Variants in GAREM1 observed in about 807,000 individuals in gnomAD.
GAREM1 encodes GRB2-associated and regulator of MAPK protein 1.
A neutral mutation model predicts 71.3 loss-of-function variants in GAREM1; 26 were observed. The ratio of observed to expected loss-of-function variants is 0.36; its 90% CI spans 0.27 to 0.51. The LOEUF (loss-of-function observed/expected upper bound fraction) is 0.51, where lower values mean the gene tolerates loss of function less well. Among genes scored for constraint, GAREM1 ranks in the 20% least tolerant of loss-of-function variants. GAREM1 has a pLI of 0.95. For synonymous variants in GAREM1, 440 were observed against 433.2 expected (o/e 1.02, Z -0.20); for missense variants, 1,026 against 1,103.1 (o/e 0.93, Z 0.99).
At chr18:32,286,321 A>AGTGTGTGTGTGTGTGT (rs140225815) in intron 4 of GAREM1, among the ~76,000 whole-genome samples, 16 of 143,232 alleles carry the variant, frequency 1.1e-4, no homozygotes, top group African/African-American at 1.8e-4. Flanking sequence ...CTGGTTCTGG[A>AGTGTGTGTGTGTGTGT]GTGTGTGTGT....
chr18:32,451,052 A>C (rs2048833399), intron 1 of GAREM1, among the ~76,000 whole-genome samples: 1 of 152,126 alleles, frequency 6.6e-6, no homozygotes, highest in South Asian at 2.1e-4. Flanking sequence ...AGAGGGGCTG[A>C]GGTGGCAGAA....
At chr18:32,373,097 T>G (rs947761336) in intron 2 of GAREM1, among the ~76,000 whole-genome samples, 1 of 152,240 alleles carries the variant, frequency 6.6e-6, no homozygotes, top group African/African-American at 2.4e-5. Context: ...TTTACAAGTA[T>G]TCATGTTGTA....
At position 32,310,215 on chromosome 18, in the gene GAREM1, T is replaced by C. The variant is rs757656602; in HGVS notation, c.371A>G (p.Glu124Gly). Residue 124 changes from glutamate (E) to glycine (G), a missense_variant, in exon 3 of 6, where the codon GAG (glutamate) becomes GGG (glycine). By Grantham distance (98) the Glu-to-Gly change is moderately conservative (BLOSUM62 -2). Around this residue, in one of 3 missense-constraint regions of GAREM1, gnomAD observed 172 missense variants for 175.2 expected, o/e 0.98. Transcript: ENST00000269209. ...TACCTTCACGTTGAATGTGATATCCTCCATGACGTACACGCGTTCAGGAAA... is the reference window on the plus strand; with the variant it reads ...TACCTTCACGTTGAATGTGATATCCCCCATGACGTACACGCGTTCAGGAAA... ...KAFPERVYVM[E>G]DITFNVKVAS... 6.2e-7 allele frequency: 1 copy of C among 1,614,142 alleles called. No individual in the cohort carries two copies. The highest frequency in any genetic ancestry group is 8.5e-7 in the Non-Finnish European group (1 of 1,179,998).
At chr18:32,323,867 TCA>T (rs1341598511) in intron 2 of GAREM1, among the ~76,000 whole-genome samples, 2 of 152,050 alleles carry the variant, frequency 1.3e-5, no homozygotes, top group Non-Finnish European at 2.9e-5. Flanking sequence ...CACAGAATTT[TCA>T]GTTATTTAGT....
rs2047492956 is a variant in GAREM1 at position 32,328,282 on chromosome 18, A to C, written c.263-17959T>G. ...GATTTAGGATGGCATATTTATTTTG[A>C]ATATCCCACAAATAATTATTAAATA... On this transcript the variant is annotated intron_variant, in intron 2 of 5. Transcript: ENST00000269209. Among the ~76,000 whole-genome samples, 3 of 152,224 alleles carry C rather than the reference A, an allele frequency of 2.0e-5. No individual in the cohort carries two copies. The South Asian group carries it at 6.2e-4, about 31-fold the overall frequency.
At chr18:32,390,964 C>A (rs898593443) in intron 2 of GAREM1, among the ~76,000 whole-genome samples, 15 of 152,142 alleles carry the variant, frequency 9.9e-5, no homozygotes, top group African/African-American at 3.6e-4. Context: ...CCCATAGCCA[C>A]AAAGAATTTT....
chr18:32,405,945 T>G (rs894768315), intron 1 of GAREM1, among the ~76,000 whole-genome samples: 1 of 152,232 alleles, frequency 6.6e-6, no homozygotes, highest in Admixed American at 6.5e-5. Flanking sequence ...TTTGTTACAG[T>G]AGTTAGCCTA....
chr18:32,284,566 T>G (rs1248903940), intron 4 of GAREM1, among the ~76,000 whole-genome samples: 1 of 152,196 alleles, frequency 6.6e-6, no homozygotes, highest in East Asian at 1.9e-4. Context: ...GATGAGTCTG[T>G]AAGTCAATCA....
At chr18:32,428,491 G>A (rs1164914276) in intron 1 of GAREM1, among the ~76,000 whole-genome samples, 2 of 152,120 alleles carry the variant, frequency 1.3e-5, no homozygotes, top group Non-Finnish European at 2.9e-5. Flanking sequence ...GTTTAAAAGT[G>A]TGTAGCACCT....
chr18:32,271,799 C>A (rs754916319), intron 4 of GAREM1, among the ~76,000 whole-genome samples: 5 of 152,136 alleles, frequency 3.3e-5, no homozygotes, highest in Admixed American at 6.5e-5. Context: ...CCTGCCATTC[C>A]CCTAATTTGC....
chr18:32,346,521 G>A (rs1258741910), intron 2 of GAREM1, among the ~76,000 whole-genome samples: 1 of 152,158 alleles, frequency 6.6e-6, no homozygotes, highest in Non-Finnish European at 1.5e-5. Context: ...GACCAAGCAT[G>A]GGTTCGATGA....
intron 3 of GAREM1, among the ~76,000 whole-genome samples, chr18:32,296,424 C>A (rs1255696067): frequency 6.6e-6 from 1 of 152,096 alleles, no homozygotes; most frequent in Non-Finnish European, 1.5e-5. Flanking sequence ...ACATAAAGTA[C>A]AAGTTTTATT....
intron 2 of GAREM1, among the ~76,000 whole-genome samples, chr18:32,381,236 T>A (rs1053644818): frequency 1.3e-5 from 2 of 152,130 alleles, no homozygotes; most frequent in Non-Finnish European, 2.9e-5. Context: ...AGAGGTCCAA[T>A]ATCTGACAAG....
At position 32,377,179 on chromosome 18, in the gene GAREM1, G is replaced by A. The variant is rs997335990; in HGVS notation, c.262+15716C>T. Among the ~76,000 whole-genome samples the A allele has an allele frequency of 3.0e-4, 46 of 152,146 alleles. 1 individual carries two copies. The highest frequency in any genetic ancestry group is 5.9e-5 in the Non-Finnish European group (4 of 68,034). Reference sequence around the variant, plus strand: ...CAGAGTATTTACAGAGTATTGAGTTGGGAAGAAAACCCCAAGGTGTTAGGC... The same window carrying A: ...CAGAGTATTTACAGAGTATTGAGTTAGGAAGAAAACCCCAAGGTGTTAGGC... On this transcript the variant is annotated intron_variant, in intron 2 of 5. Transcript: ENST00000269209.
chr18:32,338,072 A>T (rs1279726374), intron 2 of GAREM1, among the ~76,000 whole-genome samples: 1 of 152,230 alleles, frequency 6.6e-6, no homozygotes, highest in Non-Finnish European at 1.5e-5. Context: ...TGGTTTCTTC[A>T]GAGTTTCAAT....
rs149597603 is a variant in GAREM1 at position 32,407,535 on chromosome 18, C to T, written c.122-14500G>A. Among the ~76,000 whole-genome samples the T allele has an allele frequency of 1.9e-3, 292 of 152,318 alleles. 1 individual carries two copies. The highest frequency in any genetic ancestry group is 6.8e-3 in the African/African-American group (282 of 41,582). The stretch of plus-strand genomic sequence containing the variant: ...AAGACATAGTCTTACTTCTCCTTTT[C>T]CAAACTGGATGCCATGTTTTTTCTT... On this transcript the variant is annotated intron_variant, in intron 1 of 5. Transcript: ENST00000269209.
At chr18:32,457,224 A>AGTGTGTGT (rs1309543369) in intron 1 of GAREM1, among the ~76,000 whole-genome samples, 2,683 of 106,962 alleles carry the variant, frequency 0.025, 29 homozygotes, top group Middle Eastern at 0.047. Context: ...AGAGAGAGAG[A>AGTGTGTGT]GAGTGTGTGT....
At chr18:32,374,224 TA>T (rs1208410914) in intron 2 of GAREM1, among the ~76,000 whole-genome samples, 2 of 152,218 alleles carry the variant, frequency 1.3e-5, no homozygotes, top group African/African-American at 4.8e-5. Flanking sequence ...CACACAGTCA[TA>T]AATTCCTTTT....
At chr18:32,440,131 T>A (rs922227802) in intron 1 of GAREM1, among the ~76,000 whole-genome samples, 1 of 152,198 alleles carries the variant, frequency 6.6e-6, no homozygotes, top group Admixed American at 6.5e-5. Flanking sequence ...TTATTTAACA[T>A]AAATAGCACT....
Sources: gnomAD v4.1 joint callset for allele counts (sites outside exome capture counted in the v4.1 genomes callset) on GRCh38, gnomAD v4.1.1 for gene constraint, gnomAD v4.1.1 regional missense constraint, MANE v1.5 for transcripts, NCBI Gene and HGNC (gene_info 2026-07-23, HGNC 2026-07-21) for gene names.